Variants in BST1 observed in about 807,000 individuals in gnomAD.
BST1 encodes the protein bone marrow stromal cell antigen 1, also known as ADP-ribosyl cyclase/cyclic ADP-ribose hydrolase 2.
BST1 carries 49 observed loss-of-function variants against 40.6 expected under a neutral mutation model. The observed-to-expected ratio is 1.21, with a 90% confidence interval of 0.96 to 1.53. The LOEUF (loss-of-function observed/expected upper bound fraction) is 1.53. BST1 is among the 40% of genes most tolerant of loss of function. The pLI, the probability that BST1 is intolerant of heterozygous loss-of-function variation, is 0.00. For missense variants in BST1, 423 were observed against 395.9 expected, an observed-to-expected ratio of 1.07 and a Z score of -0.58; for synonymous variants, 157 against 159.3, an observed-to-expected ratio of 0.99 and a Z score of 0.11.
In BST1 at chr4:15,705,768, CATAA is replaced by C. The variant is rs1719849136; in HGVS notation, c.315+128_315+131del. On this transcript the variant is annotated intron_variant, in intron 2 of 8. Coordinates refer to ENST00000265016, the MANE Select transcript of BST1 (RefSeq NM_004334.3). ...TGTCACAGAAACATCAGGCAGCACA[CATAA>C]TGTGTGTGCTGAGCTCTCTGTGGGA... 16 of 1,277,044 alleles carry C rather than the reference CATAA, an allele frequency of 1.3e-5. No homozygotes were observed. The South Asian group carries it at 2.1e-4, about 17-fold the overall frequency. The allele number at this position is 1,277,044 out of a possible 1,614,324, so 79.1% of individuals were successfully genotyped here. A position where few individuals can be genotyped will look rare whatever the true frequency, so the allele number is the denominator to read the frequency against.
chr4:15,732,597 C>T lies in BST1; in HGVS notation c.*752C>T, dbSNP rs111400048. The stretch of plus-strand genomic sequence containing the variant: ...CCTCCCAAAGTGCTAGGATTACAGG[C>T]GTGAGCCACCACATCCAGCCATAAT... On this transcript the variant is annotated 3_prime_UTR_variant, in exon 9 of 9. Transcript: ENST00000265016. The T allele has an allele frequency of 0.031, 4,683 of 152,210 alleles. 245 individuals carry two copies. The highest frequency in any genetic ancestry group is 0.26 in the East Asian group (1,360 of 5,170). 9.4% of individuals were successfully genotyped at this position (152,210 alleles called of 1,614,324 possible). A position where few individuals can be genotyped will look rare whatever the true frequency, so the allele number is the denominator to read the frequency against.
At chr4:15,752,813 C>A in the BST1 span, among the ~76,000 whole-genome samples, 2 of 152,088 alleles carry the variant, frequency 1.3e-5, no homozygotes, top group African/African-American at 4.8e-5. Flanking sequence ...GCCTTGCAGG[C>A]TATTTCACTG....
the BST1 span, among the ~76,000 whole-genome samples, chr4:15,758,765 A>G: frequency 6.6e-6 from 1 of 152,146 alleles, no homozygotes; most frequent in African/African-American, 2.4e-5. Flanking sequence ...ATTGTTTTAG[A>G]TTCTTCATTT....
downstream of BST1, among the ~76,000 whole-genome samples, chr4:15,740,785 C>T (rs1026392517): frequency 2.0e-5 from 3 of 152,144 alleles, no homozygotes; most frequent in South Asian, 2.1e-4. Context: ...CCAAACTATC[C>T]GTCTGGAGAT....
At chr4:15,767,201 G>A in the BST1 span, among the ~76,000 whole-genome samples, 52,128 of 150,606 alleles carry the variant, frequency 0.35, 9,271 homozygotes, top group South Asian at 0.41. Context: ...CCGAACAGAC[G>A]TGGCACACAG....
At position 15,728,543 on chromosome 4, in the gene BST1, C is replaced by A. The variant is rs142295511; in HGVS notation, c.852-3197C>A. On this transcript the variant is annotated intron_variant, in intron 8 of 8. Coordinates refer to ENST00000265016, the MANE Select transcript of BST1 (RefSeq NM_004334.3). ...TCATGGCATATTGTAACCTCAACCT[C>A]CTGGGTTCAAGTGATCCTCCTGCCT... Among the ~76,000 whole-genome samples the A allele has an allele frequency of 2.7e-3, 408 of 149,850 alleles. 1 individual carries two copies. Among genetic ancestry groups the A allele is most frequent in the African/African-American group, 9.4e-3 (384 of 40,772 alleles).
intron 7 of BST1, among the ~76,000 whole-genome samples, chr4:15,719,700 G>T (rs76660920): frequency 0.019 from 2,931 of 152,206 alleles, 80 homozygotes; most frequent in African/African-American, 0.064. Context: ...GGGTGGAAAT[G>T]ACGTCAGTGG....
the BST1 span, among the ~76,000 whole-genome samples, chr4:15,771,281 G>T: frequency 6.6e-6 from 1 of 152,188 alleles, no homozygotes; most frequent in Non-Finnish European, 1.5e-5. Context: ...TGAGAAAATA[G>T]AAATTAAAAA....
the BST1 span, among the ~76,000 whole-genome samples, chr4:15,756,612 T>C: frequency 0.26 from 38,832 of 152,100 alleles, 5,335 homozygotes; most frequent in East Asian, 0.53. Flanking sequence ...GAAGATGATG[T>C]CCTTAATGGG....
At chr4:15,750,083 G>A in the BST1 span, among the ~76,000 whole-genome samples, 65 of 151,936 alleles carry the variant, frequency 4.3e-4, no homozygotes, top group African/African-American at 1.5e-3. Flanking sequence ...TTTTGGAGAC[G>A]GAGTTTTGCT....
At chr4:15,766,405 GA>G in the BST1 span, among the ~76,000 whole-genome samples, 1 of 151,926 alleles carries the variant, frequency 6.6e-6, no homozygotes, top group Admixed American at 6.5e-5. Flanking sequence ...ATGTGGCTGA[GA>G]AGCTGACTTT....
the BST1 span, among the ~76,000 whole-genome samples, chr4:15,754,250 G>A: frequency 1.3e-5 from 2 of 152,188 alleles, no homozygotes; most frequent in East Asian, 1.9e-4. Flanking sequence ...GAAAGGGGAT[G>A]GTGTTCTGCA....
the BST1 span, among the ~76,000 whole-genome samples, chr4:15,762,188 C>CAAA: frequency 1.3e-4 from 8 of 61,236 alleles, no homozygotes; most frequent in Non-Finnish European, 1.5e-4. Flanking sequence ...GACTCCATCT[C>CAAA]AAAAAAAAAA....
intron 3 of BST1, among the ~76,000 whole-genome samples, chr4:15,708,782 G>A (rs1437993668): frequency 6.6e-6 from 1 of 152,144 alleles, no homozygotes; most frequent in Non-Finnish European, 1.5e-5. Context: ...TCGGGAGGCT[G>A]AGGCAGGAGA....
Position 15,732,058 on chromosome 4 carries a change from A to G in BST1, c.*213A>G, listed in dbSNP as rs1050369507. ...TTAGCAGGTTAAAAAATGCTGCATT[A>G]GAATTAAAGCAAGTTATTTTCTTAT... On this transcript the variant is annotated 3_prime_UTR_variant, in exon 9 of 9. Coordinates refer to ENST00000265016, the MANE Select transcript of BST1 (RefSeq NM_004334.3). 1.6e-6 allele frequency: 2 copies of G among 1,261,140 alleles called. No homozygotes were observed. Among genetic ancestry groups the G allele is most frequent in the African/African-American group, 3.1e-5 (2 of 64,968 alleles). 78.1% of individuals were successfully genotyped at this position (1,261,140 alleles called of 1,614,324 possible). A position where few individuals can be genotyped will look rare whatever the true frequency, so the allele number is the denominator to read the frequency against.
chr4:15,704,789 G>A (rs1719785592), intron 1 of BST1: 8 of 674,632 alleles, frequency 1.2e-5, no homozygotes, highest in Non-Finnish European at 2.2e-5. Context: ...AAATCTGGAG[G>A]ATTTCTGAAG....
intron 8 of BST1, chr4:15,723,635 G>A (rs560181888): frequency 1.0e-6 from 1 of 980,312 alleles, no homozygotes; most frequent in Non-Finnish European, 1.2e-6. Flanking sequence ...TATAAACAAT[G>A]CTGAAATATA....
chr4:15,770,604 G>T, the BST1 span, among the ~76,000 whole-genome samples: 8 of 152,296 alleles, frequency 5.3e-5, no homozygotes, highest in Middle Eastern at 3.4e-3. Flanking sequence ...GGAGGCTGAG[G>T]CAGGAGAATC....
At chr4:15,722,347 C>A (rs9942211) in intron 7 of BST1, among the ~76,000 whole-genome samples, 10,973 of 152,250 alleles carry the variant, frequency 0.072, 662 homozygotes, top group East Asian at 0.26. Flanking sequence ...ATGAGGATTA[C>A]ATGACATGAT....
Sources: gnomAD v4.1 joint callset for allele counts (sites outside exome capture counted in the v4.1 genomes callset) on GRCh38, gnomAD v4.1.1 for gene constraint, MANE v1.5 for transcripts, NCBI Gene and HGNC (gene_info 2026-07-23, HGNC 2026-07-21) for gene names.